The following MGAM variants were observed in gnomAD, a reference collection of about 807,000 sequenced individuals.
MGAM encodes the protein maltase-glucoamylase, also known as alpha-1,4-glucosidase.
Under a neutral mutation model 358.8 loss-of-function variants are expected in MGAM, and 253 were observed. That is an observed-to-expected ratio of 0.71 (90% CI 0.64 to 0.78). The LOEUF (loss-of-function observed/expected upper bound fraction) is 0.78. Among genes scored for constraint, MGAM ranks in the 30% least tolerant of loss-of-function variants. MGAM has a pLI of 0.00. For missense variants in MGAM, 3,080 were observed against 3,432.6 expected (o/e 0.90, Z 2.57); for synonymous variants, 1,105 against 1,227.1 (o/e 0.90, Z 2.08).
chr7:142,038,695 C>G (rs751877419), intron 19 of MGAM, 80 bp downstream of exon 19: 30 of 1,091,436 alleles, frequency 2.7e-5, no homozygotes, highest in Non-Finnish European at 3.4e-5. Context: ...GCTTCTTATT[C>G]CAAACTCACT....
intron 22 of MGAM, among the ~76,000 whole-genome samples, chr7:142,049,050 A>G (rs1465921255): frequency 6.6e-6 from 1 of 152,176 alleles, no homozygotes; most frequent in Non-Finnish European, 1.5e-5. Flanking sequence ...CAACAGTTAT[A>G]CTGTCTGCTT....
chr7:142,001,281 G>A (rs782458321), intron 1 of MGAM, among the ~76,000 whole-genome samples: 2 of 152,178 alleles, frequency 1.3e-5, no homozygotes, highest in South Asian at 4.1e-4. Context: ...TGCATAGTAA[G>A]AGGGCATTAC....
rs527509987 is a variant in MGAM, at chr7:142,070,989, C to T, written c.5062-5C>T. ...TCATCATCTTTTACCTTCTTCTGCC[C>T]CCAGGGTGTGGATATTAATGCAAGA... On this transcript the variant is annotated splice_polypyrimidine_tract_variant and splice_region_variant and intron_variant, in intron 43 of 70. Transcript: ENST00000475668. 7.7e-5 allele frequency: 120 copies of T among 1,555,798 alleles called. 15 individuals are homozygous for T. Among genetic ancestry groups the T allele is most frequent in the Non-Finnish European group, 9.3e-5 (105 of 1,132,334 alleles).
rs1375585945 is a variant in MGAM at position 142,044,482 on chromosome 7, T to C, written c.2499-3303T>C. Among the ~76,000 whole-genome samples the C allele has an allele frequency of 1.5e-5, 2 of 135,598 alleles. 1 individual carries two copies. Among genetic ancestry groups the C allele is most frequent in the African/African-American group, 5.3e-5 (2 of 37,944 alleles). The allele number at this position is 135,598 out of a possible 152,430, so 89.0% of individuals were successfully genotyped here. A position where few individuals can be genotyped will look rare whatever the true frequency, so the allele number is the denominator to read the frequency against. The stretch of plus-strand genomic sequence containing the variant: ...CATACGATATATGATATATAATGTA[T>C]ATTATATACACTTACGATATATGAT... On this transcript the variant is annotated intron_variant, in intron 21 of 70. Transcript: ENST00000475668.
chr7:142,048,282 A>G lies in MGAM; in HGVS notation c.2587+409A>G, dbSNP rs1201707498. Among the ~76,000 whole-genome samples the G allele has an allele frequency of 3.3e-5, 5 of 151,632 alleles. No homozygotes were observed. The South Asian group carries it at 1.0e-3, about 32-fold the overall frequency. Reference sequence around the variant, plus strand: ...ATTCTTCTGTCTCAGCCTCCCGCGTAGGACTACAGGTGCCTACCACCATGC... The same window carrying G: ...ATTCTTCTGTCTCAGCCTCCCGCGTGGGACTACAGGTGCCTACCACCATGC... On this transcript the variant is annotated intron_variant, in intron 22 of 70. Transcript: ENST00000475668.
intron 40 of MGAM, among the ~76,000 whole-genome samples, chr7:142,066,236 AG>A (rs1812744194): frequency 6.8e-6 from 1 of 146,372 alleles, no homozygotes; most frequent in East Asian, 2.0e-4. Flanking sequence ...CTGGGATTAC[AG>A]GCGTGAGCCA....
chr7:141,986,782 T>C (rs570622304), intron 2 of MGAM, among the ~76,000 whole-genome samples: 3 of 152,320 alleles, frequency 2.0e-5, no homozygotes, highest in East Asian at 3.9e-4. Context: ...AATCTTGAAC[T>C]AAAATGGTAT....
chr7:141,990,799 G>T (rs1803912714), intron 2 of MGAM, among the ~76,000 whole-genome samples: 1 of 152,120 alleles, frequency 6.6e-6, no homozygotes, highest in South Asian at 2.1e-4. Flanking sequence ...TTTCTTACCT[G>T]TGGGTCTGGC....
In MGAM at chr7:142,089,120, CACA is replaced by C. The variant is rs1391902551; in HGVS notation, c.6810+2404_6810+2406del. ...TTGAAGCTTAGTGGTCCAAGCAGCC[CACA>C]TGGACACAGGAACCTGCCCAGCCAG... On this transcript the variant is annotated intron_variant, in intron 57 of 70. Transcript: ENST00000475668. 4.1e-5 allele frequency among the ~76,000 whole-genome samples: 6 copies of C among 145,798 alleles called. 1 individual carries two copies. The highest frequency in any genetic ancestry group is 7.8e-5 in the Non-Finnish European group (5 of 64,498).
At chr7:142,078,173 G>C in intron 47 of MGAM, 145 bp from the exon 48 acceptor site, 6 of 669,716 alleles carry the variant, frequency 9.0e-6, no homozygotes, top group Non-Finnish European at 1.4e-5. Flanking sequence ...CTTCTTATAA[G>C]CTAAAGTGAT....
chr7:142,020,498 AG>A (rs1364400865), intron 4 of MGAM, among the ~76,000 whole-genome samples: 2 of 151,756 alleles, frequency 1.3e-5, no homozygotes, highest in South Asian at 2.1e-4. Context: ...TGCCATAGAT[AG>A]TATGTGCGTA....
chr7:142,000,214 G>C (rs1370334892), intron 1 of MGAM, among the ~76,000 whole-genome samples: 1 of 152,110 alleles, frequency 6.6e-6, no homozygotes, highest in African/African-American at 2.4e-5. Flanking sequence ...CTGATTTAGG[G>C]TCTCTCATGA....
At chr7:142,082,020 A>T in intron 50 of MGAM, 22 bp from the exon 51 acceptor site, 1 of 1,551,932 alleles carries the variant, frequency 6.4e-7, no homozygotes. Context: ...TTCTGTTTCA[A>T]ATCTGCCTTT....
At chr7:142,087,887 T>G (rs1814902905) in intron 57 of MGAM, among the ~76,000 whole-genome samples, 1 of 146,596 alleles carries the variant, frequency 6.8e-6, no homozygotes, top group African/African-American at 2.4e-5. Context: ...GAGTTCTTTC[T>G]ACGTAATGTA....
Position 142,082,785 on chromosome 7 carries a change from A to G in MGAM, c.6268+214A>G, listed in dbSNP as rs565651541. On this transcript the variant is annotated intron_variant, in intron 52 of 70. Transcript: ENST00000475668. ...CCCAACTCTTATTTTGGTAAAAATCACATAAGAAGGGATAGTAAAACCACA... is the reference window on the plus strand; with the variant it reads ...CCCAACTCTTATTTTGGTAAAAATCGCATAAGAAGGGATAGTAAAACCACA... Among the ~76,000 whole-genome samples the G allele has an allele frequency of 2.0e-4, 29 of 146,552 alleles. 3 individuals are homozygous for G. Among genetic ancestry groups the G allele is most frequent in the Admixed American group, 1.4e-3 (20 of 14,624 alleles).
At chr7:142,013,706 AC>A (rs1226190948) in intron 3 of MGAM, among the ~76,000 whole-genome samples, 1 of 152,186 alleles carries the variant, frequency 6.6e-6, no homozygotes, top group Admixed American at 6.5e-5. Context: ...TAAAAGGCCC[AC>A]ATGCTTACTA....
At position 142,086,309 on chromosome 7, in the gene MGAM, G is replaced by A. The variant is rs1447376648; in HGVS notation, c.6728G>A (p.Gly2243Glu). 6.5e-7 allele frequency: 1 copy of A among 1,535,986 alleles called. No individual in the cohort carries two copies. Among genetic ancestry groups the A allele is most frequent in the East Asian group, 2.3e-5 (1 of 43,250 alleles). Residue 2243 changes from glycine to glutamate, a missense_variant, in exon 56 of 71, where the codon GGA becomes GAA. This residue lies in a region of MGAM where 932 missense variants were observed against 1,198.2 expected (regional missense o/e 0.78). Coordinates refer to ENST00000475668, the MANE Select transcript of MGAM (RefSeq NM_001365693.1). ...GTCTTCATCAAGTACCCAAATGATGGAGACATTGTCTGGGGAAAGGTATAA... is the reference window on the plus strand; with the variant it reads ...GTCTTCATCAAGTACCCAAATGATGAAGACATTGTCTGGGGAAAGGTATAA... ...DDVFIKYPND[G>E]DIVWGKVWPD... is the part of the protein sequence containing the mutation.
intron 8 of MGAM, among the ~76,000 whole-genome samples, chr7:142,026,267 T>C (rs1806960164): frequency 1.3e-5 from 2 of 152,188 alleles, no homozygotes. Context: ...CCATGTCTAG[T>C]TGAATTATAT....
At chr7:142,090,096 G>A (rs923873717) in intron 57 of MGAM, among the ~76,000 whole-genome samples, 2 of 146,184 alleles carry the variant, frequency 1.4e-5, no homozygotes, top group African/African-American at 4.9e-5. Context: ...CCCAGTGTGT[G>A]GGTGGTTATA....
Sources: gnomAD v4.1 joint callset for allele counts (sites outside exome capture counted in the v4.1 genomes callset) on GRCh38, gnomAD v4.1.1 for gene constraint, gnomAD v4.1.1 regional missense constraint, MANE v1.5 for transcripts, NCBI Gene and HGNC (gene_info 2026-07-23, HGNC 2026-07-21) for gene names.